The following CDH18 variants were observed in gnomAD, a reference collection of about 807,000 sequenced individuals.
The protein encoded by CDH18 is cadherin 18.
Under a neutral mutation model 67.9 loss-of-function variants are expected in CDH18, and 31 were observed. The observed-to-expected ratio is 0.46, with a 90% CI of 0.34 to 0.62. CDH18 has a LOEUF of 0.62. Ranked by LOEUF, CDH18 falls within the 20% of genes least tolerant of loss-of-function variation. CDH18 has a pLI of 0.01. For synonymous variants in CDH18, 362 were observed against 347.2 expected, an observed-to-expected ratio of 1.04 and a Z score of -0.48; for missense variants, 890 against 975.5, an observed-to-expected ratio of 0.91 and a Z score of 1.17.
chr5:19,510,619 A>C (rs1744955957), intron 10 of CDH18, among the ~76,000 whole-genome samples: 1 of 152,116 alleles, frequency 6.6e-6, no homozygotes, highest in African/African-American at 2.4e-5. Context: ...TCAAATGCTA[A>C]GTGTAGTAAT....
chr5:20,079,830 C>T (rs958765566), intron 2 of CDH18, among the ~76,000 whole-genome samples: 1 of 152,046 alleles, frequency 6.6e-6, no homozygotes, highest in African/African-American at 2.4e-5. Context: ...ATTAAGGTGC[C>T]AGCAGATCTC....
At chr5:20,331,092 ATAAGAAT>A (rs1739127789) in intron 1 of CDH18, among the ~76,000 whole-genome samples, 2 of 152,210 alleles carry the variant, frequency 1.3e-5, no homozygotes, top group South Asian at 4.1e-4. Flanking sequence ...TGAGCTAGAG[ATAAGAAT>A]TAAGAATGGG....
chr5:19,999,617 T>C (rs528030948), intron 2 of CDH18, among the ~76,000 whole-genome samples: 22 of 152,162 alleles, frequency 1.4e-4, no homozygotes, highest in African/African-American at 5.1e-4. Flanking sequence ...ATAATAATAA[T>C]ATTAGTAATA....
At chr5:20,506,984 T>C (rs1305930027) in intron 1 of CDH18, among the ~76,000 whole-genome samples, 1 of 152,190 alleles carries the variant, frequency 6.6e-6, no homozygotes, top group Admixed American at 6.5e-5. Flanking sequence ...TACTCCATTT[T>C]ATAAACTTTT....
chr5:20,305,650 G>C (rs554124391), intron 1 of CDH18: 22 of 425,664 alleles, frequency 5.2e-5, no homozygotes, highest in Non-Finnish European at 8.2e-5. Context: ...TCCGGGGGGT[G>C]GGGGGAGCGG....
chr5:19,917,116 AT>A (rs1791889725), intron 2 of CDH18, among the ~76,000 whole-genome samples: 1 of 152,166 alleles, frequency 6.6e-6, no homozygotes, highest in African/African-American at 2.4e-5. Context: ...ATGATAGCAT[AT>A]TTTTGTAAAT....
At chr5:19,496,012 G>A (rs1015145894) in intron 11 of CDH18, among the ~76,000 whole-genome samples, 2 of 152,104 alleles carry the variant, frequency 1.3e-5, no homozygotes, top group African/African-American at 4.8e-5. Context: ...AAAGACATTT[G>A]TTACATTCAA....
chr5:20,571,184 C>A (rs1226476869), intron 1 of CDH18, among the ~76,000 whole-genome samples: 3 of 152,134 alleles, frequency 2.0e-5, no homozygotes, highest in Admixed American at 6.5e-5. Context: ...GACACCTCTA[C>A]GTCTTTACCA....
rs148247122 is a variant in CDH18, at chr5:19,786,322, AT to A, written c.229-39087del. ...ATAACTCAACAATAATGAATATTCA[AT>A]TTTTTTATTTCTAAAAGCAGTGCAC... is the stretch of plus-strand genomic sequence containing the variant. On this transcript the variant is annotated intron_variant, in intron 3 of 12. Transcript: ENST00000382275. Among the ~76,000 whole-genome samples, 763 of 152,210 alleles carry A rather than the reference AT, an allele frequency of 5.0e-3. 13 individuals carry two copies. Among genetic ancestry groups the A allele is most frequent in the African/African-American group, 0.018 (740 of 41,542 alleles).
intron 4 of CDH18, among the ~76,000 whole-genome samples, chr5:19,735,119 G>A (rs140867238): frequency 2.6e-5 from 4 of 152,072 alleles, no homozygotes; most frequent in Admixed American, 2.6e-4. Flanking sequence ...AATATTATTG[G>A]CTCACTACAT....
chr5:20,161,169 C>A (rs1386960583), intron 2 of CDH18, among the ~76,000 whole-genome samples: 1 of 152,084 alleles, frequency 6.6e-6, no homozygotes, highest in African/African-American at 2.4e-5. Flanking sequence ...TTTTGTGATT[C>A]TTTTTGTGTT....
chr5:20,062,140 A>ATTATTATT (rs10682375), intron 2 of CDH18, among the ~76,000 whole-genome samples: 1 of 137,930 alleles, frequency 7.3e-6, no homozygotes, highest in African/African-American at 2.7e-5. Flanking sequence ...TTAAGCCCAG[A>ATTATTATT]ATTATTATTA....
rs114792435 is a variant in CDH18 at position 20,051,761 on chromosome 5, A to C, written c.-517-59747T>G. 2.1e-3 allele frequency among the ~76,000 whole-genome samples: 321 copies of C among 152,214 alleles called. 2 individuals are homozygous for C. Among genetic ancestry groups the C allele is most frequent in the African/African-American group, 7.2e-3 (301 of 41,574 alleles). On this transcript the variant is annotated intron_variant, in intron 2 of 14. Transcript: ENST00000507958. ...CTGGAAATATACATAAGTTGAAAAT[A>C]ATTCTTATTGGAGAAATAGATTCAG... is the stretch of plus-strand genomic sequence containing the variant.
intron 1 of CDH18, among the ~76,000 whole-genome samples, chr5:20,298,213 A>G (rs1353881041): frequency 6.6e-6 from 1 of 152,192 alleles, no homozygotes; most frequent in African/African-American, 2.4e-5. Context: ...ATTTCCCAGT[A>G]AATTGCATAT....
At chr5:20,012,878 GA>G (rs1449205739) in intron 2 of CDH18, among the ~76,000 whole-genome samples, 1 of 150,838 alleles carries the variant, frequency 6.6e-6, no homozygotes, top group Non-Finnish European at 1.5e-5. Context: ...ACATAGAGGG[GA>G]TCTACACACA....
At position 19,858,423 on chromosome 5, in the gene CDH18, T is replaced by C. The variant is rs151024631; in HGVS notation, c.-256-19181A>G. ...GATGTCTAGGTTTGTCATAAACTAT[T>C]TTAGGGACTTTTTGATAAATTAAAT... is the stretch of plus-strand genomic sequence containing the variant. On this transcript the variant is annotated intron_variant, in intron 2 of 12. Coordinates refer to ENST00000382275, the MANE Select transcript of CDH18 (RefSeq NM_004934.5). Among the ~76,000 whole-genome samples, 727 of 152,140 alleles carry C rather than the reference T, an allele frequency of 4.8e-3. 2 individuals are homozygous for C. Among genetic ancestry groups the C allele is most frequent in the African/African-American group, 0.017 (705 of 41,534 alleles).
chr5:20,031,509 A>G (rs1203977092), intron 2 of CDH18, among the ~76,000 whole-genome samples: 1 of 152,010 alleles, frequency 6.6e-6, no homozygotes, highest in African/African-American at 2.4e-5. Context: ...TACACCTCAT[A>G]AAGTGAGACC....
intron 5 of CDH18, among the ~76,000 whole-genome samples, chr5:19,682,218 G>C (rs1402585693): frequency 1.3e-5 from 2 of 152,024 alleles, no homozygotes; most frequent in Non-Finnish European, 2.9e-5. Context: ...CACTAGAGGG[G>C]GAAAGGAACA....
Position 19,721,414 on chromosome 5 carries a change from T to G in CDH18, c.576A>C (p.Gly192=). ...TGCTGTAAACCACCCGAGCGCTGTT[T>G]CCATAGGTAGGGTCATCTGCATCAG... ...TATDADDPTY[G]NSARVVYSIL... Residue 192 remains glycine (G), a synonymous_variant, in exon 5 of 13, where the codon GGA becomes GGC. Transcript: ENST00000382275. 1 of 1,611,166 alleles carries G rather than the reference T, an allele frequency of 6.2e-7. No individual in the cohort carries two copies. Among genetic ancestry groups the G allele is most frequent in the Non-Finnish European group, 8.5e-7 (1 of 1,177,724 alleles).
Sources: allele counts gnomAD v4.1 joint callset (sites outside exome capture counted in the v4.1 genomes callset), GRCh38; gene constraint gnomAD v4.1.1; transcripts MANE v1.5; gene names NCBI Gene and HGNC (gene_info 2026-07-23, HGNC 2026-07-21).